Variants in GRID2 observed in about 807,000 individuals in gnomAD.
GRID2 encodes glutamate ionotropic receptor delta type subunit 2.
GRID2 carries 33 observed loss-of-function variants against 114.8 expected under a neutral mutation model. That is an observed-to-expected ratio of 0.29 (90% CI 0.22 to 0.38). The LOEUF is 0.38. Among genes scored for constraint, GRID2 ranks in the 10% least tolerant of loss-of-function variants. The pLI, the probability that GRID2 is intolerant of heterozygous loss-of-function variation, is 1.00. For synonymous variants in GRID2, 505 were observed against 449.9 expected (o/e 1.12, Z -1.55); for missense variants, 1,184 against 1,257.7 (o/e 0.94, Z 0.89).
chr4:93,785,560 T>A (rs756488278), intron 1 of GRID2, among the ~76,000 whole-genome samples: 1 of 152,076 alleles, frequency 6.6e-6, no homozygotes, highest in African/African-American at 2.4e-5. Flanking sequence ...ATCAAGAAAA[T>A]TTTTAAGAAG....
chr4:93,359,541 A>G (rs952502425), intron 8 of GRID2, among the ~76,000 whole-genome samples: 4 of 151,388 alleles, frequency 2.6e-5, no homozygotes, highest in African/African-American at 4.8e-5. Context: ...TTCTGTAGCC[A>G]TTAACCATCC....
intron 1 of GRID2, among the ~76,000 whole-genome samples, chr4:92,581,343 A>G (rs557989262): frequency 6.6e-5 from 10 of 152,140 alleles, no homozygotes; most frequent in African/African-American, 2.4e-4. Flanking sequence ...ATATTCCAAC[A>G]TGAAATTATT....
rs577355250 is a variant in GRID2 at position 92,912,993 on chromosome 4, A to G, written c.245-172002A>G. Among the ~76,000 whole-genome samples, 250 of 151,988 alleles carry G rather than the reference A, an allele frequency of 1.6e-3. 2 individuals are homozygous for G. The highest frequency in any genetic ancestry group is 5.6e-3 in the Admixed American group (86 of 15,234). ...TAGAAGATTTGTTTTACTTCCTTATATACAAGTAGAGTATTGATCCTAATT... is the reference window on the plus strand; with the variant it reads ...TAGAAGATTTGTTTTACTTCCTTATGTACAAGTAGAGTATTGATCCTAATT... On this transcript the variant is annotated intron_variant, in intron 2 of 15. Coordinates refer to ENST00000282020, the MANE Select transcript of GRID2 (RefSeq NM_001510.4).
chr4:92,641,293 TA>T (rs35848290), intron 2 of GRID2, among the ~76,000 whole-genome samples: 40,537 of 151,374 alleles, frequency 0.27, 5,394 homozygotes, highest in South Asian at 0.32. Context: ...TTTGTTACTT[TA>T]TTAAATTTAA....
intron 14 of GRID2, among the ~76,000 whole-genome samples, chr4:93,703,747 T>C (rs1030264724): frequency 6.6e-6 from 1 of 150,452 alleles, no homozygotes; most frequent in African/African-American, 2.4e-5. Flanking sequence ...CATGCAGTGT[T>C]TGGTTTTTTG....
intron 2 of GRID2, among the ~76,000 whole-genome samples, chr4:92,903,257 C>T (rs531542484): frequency 1.3e-5 from 2 of 151,404 alleles, no homozygotes; most frequent in East Asian, 1.9e-4. Context: ...AAACCCACAA[C>T]ATTTTAAATG....
At chr4:92,772,543 G>T (rs1269909110) in intron 2 of GRID2, among the ~76,000 whole-genome samples, 1 of 152,016 alleles carries the variant, frequency 6.6e-6, no homozygotes, top group East Asian at 1.9e-4. Flanking sequence ...TTCATAACGA[G>T]CATATCTAAT....
intron 8 of GRID2, among the ~76,000 whole-genome samples, chr4:93,371,389 G>T (rs2149292151): frequency 6.6e-6 from 1 of 151,804 alleles, no homozygotes; most frequent in East Asian, 1.9e-4. Context: ...TTCCCTCTCA[G>T]GCAGATTCTA....
At chr4:93,356,674 A>G (rs1180074626) in intron 8 of GRID2, among the ~76,000 whole-genome samples, 1 of 151,932 alleles carries the variant, frequency 6.6e-6, no homozygotes, top group African/African-American at 2.4e-5. Context: ...AATTATTTAT[A>G]GTAGCATTTT....
intron 11 of GRID2, among the ~76,000 whole-genome samples, chr4:93,481,872 T>C (rs1030473664): frequency 2.0e-5 from 3 of 151,940 alleles, no homozygotes; most frequent in African/African-American, 7.2e-5. Context: ...CCCAGAGGGA[T>C]TGCAGGCTTG....
Position 93,773,527 on chromosome 4 carries a change from G to A in GRID2, c.*1029G>A, listed in dbSNP as rs1188404814. ...CATTTGTTATTCAGCAGTGTATAAA[G>A]CTAACCTTGATAATTTTACTTTTAA... On this transcript the variant is annotated 3_prime_UTR_variant, in exon 16 of 16. Coordinates refer to ENST00000282020, the MANE Select transcript of GRID2 (RefSeq NM_001510.4). 3.9e-5 allele frequency: 6 copies of A among 152,100 alleles called. No individual in the cohort carries two copies. Among genetic ancestry groups the A allele is most frequent in the Non-Finnish European group, 8.8e-5 (6 of 67,990 alleles). The allele number at this position is 152,100 out of a possible 1,614,324, so 9.4% of individuals were successfully genotyped here.
chr4:92,916,960 C>G (rs1384410127), intron 2 of GRID2, among the ~76,000 whole-genome samples: 2 of 152,182 alleles, frequency 1.3e-5, no homozygotes, highest in Non-Finnish European at 2.9e-5. Context: ...AATGGTTGAA[C>G]TAGTTAACAG....
At chr4:92,792,365 T>G (rs1376779902) in intron 2 of GRID2, among the ~76,000 whole-genome samples, 1 of 151,560 alleles carries the variant, frequency 6.6e-6, no homozygotes. Context: ...TAATACCTCG[T>G]GTGAGACACT....
chr4:93,313,309 T>C (rs1756224482), intron 8 of GRID2, among the ~76,000 whole-genome samples: 1 of 152,192 alleles, frequency 6.6e-6, no homozygotes, highest in East Asian at 1.9e-4. Flanking sequence ...TCAGTAGTCA[T>C]GCTTTCAAAT....
intron 11 of GRID2, among the ~76,000 whole-genome samples, chr4:93,478,748 A>G (rs1159605856): frequency 1.3e-5 from 2 of 152,174 alleles, no homozygotes; most frequent in South Asian, 4.1e-4. Context: ...AGAAAAGCAC[A>G]AATAATATAA....
chr4:92,309,279 A>G (rs1023834157), intron 1 of GRID2, among the ~76,000 whole-genome samples: 1 of 152,030 alleles, frequency 6.6e-6, no homozygotes, highest in Non-Finnish European at 1.5e-5. Flanking sequence ...TGCAATTTCA[A>G]AAGCACACTT....
chr4:93,455,942 T>C lies in GRID2; in HGVS notation c.1826T>C (p.Met609Thr), dbSNP rs1166859388. Residue 609 changes from methionine to threonine, a missense_variant, in exon 11 of 16, where the codon ATG (methionine) becomes ACG (threonine). This residue lies in a region of GRID2 where 717 missense variants were observed against 796.9 expected (regional missense o/e 0.90). Coordinates refer to ENST00000282020, the MANE Select transcript of GRID2 (RefSeq NM_001510.4). ...ACGTCTACTACTCTCTACAACTCCA[T>C]GTGGTTTGTGTATGGATCTTTTGTA... ...SMTSTTLYNSMWFVYGSFVQQ... is the reference protein window; with the variant it reads ...SMTSTTLYNSTWFVYGSFVQQ... 1 of 1,608,496 alleles carries C rather than the reference T, an allele frequency of 6.2e-7. No individual in the cohort carries two copies. Among genetic ancestry groups the C allele is most frequent in the South Asian group, 1.1e-5 (1 of 90,978 alleles).
At chr4:92,836,748 A>G (rs1418612842) in intron 2 of GRID2, among the ~76,000 whole-genome samples, 1 of 152,106 alleles carries the variant, frequency 6.6e-6, no homozygotes, top group East Asian at 1.9e-4. Context: ...ATAAATGTTA[A>G]TTTAAAATAG....
At chr4:92,400,326 T>C (rs1730726778) in intron 1 of GRID2, among the ~76,000 whole-genome samples, 1 of 152,194 alleles carries the variant, frequency 6.6e-6, no homozygotes, top group African/African-American at 2.4e-5. Context: ...ATTTGCTTAC[T>C]CTGGACATTT....
Sources: allele counts gnomAD v4.1 joint callset (sites outside exome capture counted in the v4.1 genomes callset), GRCh38; gene constraint gnomAD v4.1.1; regional missense constraint gnomAD v4.1.1; transcripts MANE v1.5; gene names NCBI Gene and HGNC (gene_info 2026-07-23, HGNC 2026-07-21).